The following GRID2IP variants were observed in gnomAD, a reference collection of about 807,000 sequenced individuals.
The protein encoded by GRID2IP is Grid2 interacting protein, also known as delphilin.
Under a neutral mutation model 114.3 loss-of-function variants are expected in GRID2IP, and 78 were observed. The ratio of observed to expected loss-of-function variants is 0.68; its 90% CI spans 0.57 to 0.82. The LOEUF is 0.82. Ranked by LOEUF, GRID2IP falls within the 40% of genes least tolerant of loss-of-function variation. The probability of loss-of-function intolerance (pLI) is 0.00; values close to 1 mark genes in which losing one functional copy is unlikely to be tolerated. For missense variants in GRID2IP, 1,727 were observed against 1,678.5 expected (o/e 1.03, Z -0.51); for synonymous variants, 809 against 724.0 (o/e 1.12, Z -1.89).
In GRID2IP at chr7:6,523,264, G is replaced by A. The variant is rs567676382; in HGVS notation, c.920-1307C>T. On this transcript the variant is annotated intron_variant, in intron 4 of 21. Coordinates refer to ENST00000457091, the MANE Select transcript of GRID2IP (RefSeq NM_001145118.2). The surrounding 1 kb of genome is among the most constrained non-coding windows in gnomAD (Gnocchi z 4.5). ...AGGGAACAATTAGGGAAGACTTCCCGGGAGAGGCGAGATGGGGGAAGTCCT... is the reference window on the plus strand; with the variant it reads ...AGGGAACAATTAGGGAAGACTTCCCAGGAGAGGCGAGATGGGGGAAGTCCT... 2.0e-5 allele frequency among the ~76,000 whole-genome samples: 3 copies of A among 152,172 alleles called. No individual in the cohort carries two copies. The highest frequency in any genetic ancestry group is 4.8e-5 in the African/African-American group (2 of 41,448).
chr7:6,531,276 C>A (rs895356114), intron 2 of GRID2IP: 2 of 407,326 alleles, frequency 4.9e-6, no homozygotes. Flanking sequence ...GCCCCGCCCC[C>A]TCCAGGTAGC....
intron 1 of GRID2IP, among the ~76,000 whole-genome samples, chr7:6,549,749 G>C (rs546939748): frequency 2.0e-5 from 3 of 151,174 alleles, no homozygotes; most frequent in South Asian, 4.2e-4. Flanking sequence ...ACACCCTTGA[G>C]TATCTGGCAC....
chr7:6,543,558 G>A (rs1339690348), intron 1 of GRID2IP, among the ~76,000 whole-genome samples: 2 of 151,976 alleles, frequency 1.3e-5, no homozygotes, highest in Non-Finnish European at 2.9e-5. Flanking sequence ...CCCTGTCAAA[G>A]TGGGTTGCGT....
rs757567745 is a variant in GRID2IP at position 6,506,004 on chromosome 7, C to A, written c.2545-97G>T. On this transcript the variant is annotated intron_variant, in intron 13 of 21. Transcript: ENST00000457091. The surrounding 1 kb of genome is among the most constrained non-coding windows in gnomAD (Gnocchi z 5.2). The stretch of plus-strand genomic sequence containing the variant: ...TCTGAGGGCTGCCATAGGGGCTTCC[C>A]GAGCAAAAGCACCCATCAGGTGCTG... 1 of 757,382 alleles carries A rather than the reference C, an allele frequency of 1.3e-6. No individual in the cohort carries two copies. Among genetic ancestry groups the A allele is most frequent in the Non-Finnish European group, 2.2e-6 (1 of 449,414 alleles). 46.9% of individuals were successfully genotyped at this position (757,382 alleles called of 1,614,324 possible). A position where few individuals can be genotyped will look rare whatever the true frequency, so the allele number is the denominator to read the frequency against.
chr7:6,498,272 C>G, intron 20 of GRID2IP, 44 bp from the exon 21 acceptor site: 2 of 1,501,196 alleles, frequency 1.3e-6, no homozygotes, highest in Non-Finnish European at 1.8e-6. Context: ...GCTTGTGCCC[C>G]CAGGGTCTCA....
Position 6,521,209 on chromosome 7 carries a change from G to A in GRID2IP, c.1084+220C>T, listed in dbSNP as rs1175989794. On this transcript the variant is annotated intron_variant, in intron 6 of 21. Coordinates refer to ENST00000457091, the MANE Select transcript of GRID2IP (RefSeq NM_001145118.2). This position sits in a 1 kb window ranked among gnomAD's most constrained non-coding sequence, Gnocchi z 4.1. ...TGGTCTCAAACTCCTGGCCTCAAGC[G>A]ATCCTCCCACCTTGGCCTCCCAAAG... Among the ~76,000 whole-genome samples the A allele has an allele frequency of 1.3e-5, 2 of 152,096 alleles. No individual in the cohort carries two copies. The highest frequency in any genetic ancestry group is 2.1e-4 in the South Asian group (1 of 4,824).
Position 6,509,114 on chromosome 7 carries a change from G to GGGC in GRID2IP, c.1970_1971insGCC (p.Asp657delinsGluPro). On this transcript the variant is annotated protein_altering_variant, in exon 12 of 22. Transcript: ENST00000457091. The surrounding 1 kb of genome is among the most constrained non-coding windows in gnomAD (Gnocchi z 4.9). Reference sequence around the variant, plus strand: ...TCCTGCGGCTGGGCGGGCGGGTGGGGTCCGGGCTTGGGGGGCTGTCGGGGC... The same window carrying GGGC: ...TCCTGCGGCTGGGCGGGCGGGTGGGGGGCTCCGGGCTTGGGGGGCTGTCGGGGC... 1 of 1,119,874 alleles carries GGGC rather than the reference G, an allele frequency of 8.9e-7. No individual in the cohort carries two copies. Among genetic ancestry groups the GGGC allele is most frequent in the Non-Finnish European group, 1.3e-6 (1 of 787,296 alleles). 69.4% of individuals were successfully genotyped at this position (1,119,874 alleles called of 1,614,324 possible).
chr7:6,510,492 T>A (rs1786744588), intron 10 of GRID2IP, 92 bp from the exon 11 acceptor site: 11 of 1,304,058 alleles, frequency 8.4e-6, no homozygotes, highest in Non-Finnish European at 1.1e-5. Context: ...GGCAGGGATA[T>A]GCCCCAGCCT....
intron 2 of GRID2IP, among the ~76,000 whole-genome samples, 159 bp downstream of exon 2, chr7:6,539,559 G>C (rs1411378813): frequency 6.6e-6 from 1 of 152,164 alleles, no homozygotes. Flanking sequence ...GCCTACCCTT[G>C]TTTGGGGCTT....
chr7:6,508,786 G>C lies in GRID2IP; in HGVS notation c.2127+172C>G, dbSNP rs1476529357. On this transcript the variant is annotated intron_variant, in intron 12 of 21. Coordinates refer to ENST00000457091, the MANE Select transcript of GRID2IP (RefSeq NM_001145118.2). This position sits in a 1 kb window ranked among gnomAD's most constrained non-coding sequence, Gnocchi z 5.6. ...CAAGGAGCATGATAACCTTGAACAGGAGATAGGGTAACCTGGGGCAAGGGG... is the reference window on the plus strand; with the variant it reads ...CAAGGAGCATGATAACCTTGAACAGCAGATAGGGTAACCTGGGGCAAGGGG... Among the ~76,000 whole-genome samples the C allele has an allele frequency of 6.6e-6, 1 of 152,136 alleles. No homozygotes were observed. The highest frequency in any genetic ancestry group is 1.5e-5 in the Non-Finnish European group (1 of 68,006).
At chr7:6,504,558 G>T (rs1786520191) in intron 15 of GRID2IP, among the ~76,000 whole-genome samples, 1 of 151,816 alleles carries the variant, frequency 6.6e-6, no homozygotes, top group South Asian at 2.1e-4. Context: ...AGGGAATGAG[G>T]CTGGAGGCGG....
chr7:6,522,130 G>C (rs147226174), intron 4 of GRID2IP, among the ~76,000 whole-genome samples, 173 bp from the exon 5 acceptor site: 1 of 152,048 alleles, frequency 6.6e-6, no homozygotes, highest in African/African-American at 2.4e-5. Context: ...CAGGAGGATC[G>C]CTTGAGCCCA....
rs1779307308 is a variant in GRID2IP at position 6,516,585 on chromosome 7, C to G, written c.1269-2056G>C. The stretch of plus-strand genomic sequence containing the variant: ...TAGCAGACCGGGAAAGGGAGTCTCC[C>G]TTTCCTGGTGGAGTTAAAGAAGACT... On this transcript the variant is annotated intron_variant, in intron 7 of 21. Transcript: ENST00000457091. The surrounding 1 kb of genome is among the most constrained non-coding windows in gnomAD (Gnocchi z 4.3). Among the ~76,000 whole-genome samples the G allele has an allele frequency of 6.6e-6, 1 of 151,986 alleles. No individual in the cohort carries two copies. The highest frequency in any genetic ancestry group is 6.6e-5 in the Admixed American group (1 of 15,246).
At chr7:6,537,629 C>T (rs1261111218) in intron 2 of GRID2IP, among the ~76,000 whole-genome samples, 1 of 151,670 alleles carries the variant, frequency 6.6e-6, no homozygotes, top group South Asian at 2.1e-4. Flanking sequence ...CTGCCCGCCT[C>T]GGCCTCCCAA....
At chr7:6,514,019 C>T (rs1056514267) in intron 8 of GRID2IP, among the ~76,000 whole-genome samples, 23 of 150,642 alleles carry the variant, frequency 1.5e-4, no homozygotes, top group Non-Finnish European at 2.5e-4. Context: ...TTTGGGAGGC[C>T]GAGGTGGGTG....
rs543456116 is a variant in GRID2IP at position 6,511,067 on chromosome 7, C to T, written c.1424-28G>A. 599 of 1,378,272 alleles carry T rather than the reference C, an allele frequency of 4.3e-4. 1 individual carries two copies. The highest frequency in any genetic ancestry group is 5.4e-4 in the Non-Finnish European group (575 of 1,060,030). 85.4% of individuals were successfully genotyped at this position (1,378,272 alleles called of 1,614,324 possible). A position where few individuals can be genotyped will look rare whatever the true frequency, so the allele number is the denominator to read the frequency against. On this transcript the variant is annotated intron_variant, in intron 8 of 21. Coordinates refer to ENST00000457091, the MANE Select transcript of GRID2IP (RefSeq NM_001145118.2). ...GTGGGACATGCAGGGAACATGGGGC[C>T]CTCTTGCCCTCTCAGCCAGACAAGG...
At chr7:6,518,553 T>C (rs937293300) in intron 7 of GRID2IP, among the ~76,000 whole-genome samples, 1 of 152,048 alleles carries the variant, frequency 6.6e-6, no homozygotes, top group South Asian at 2.1e-4. Flanking sequence ...CTGGCCAACA[T>C]GGTGAAACCC....
At chr7:6,501,712 G>C in intron 20 of GRID2IP, 69 bp downstream of exon 20, 4 of 1,139,000 alleles carry the variant, frequency 3.5e-6, no homozygotes, top group Non-Finnish European at 5.2e-6. Flanking sequence ...GGCCACTGGA[G>C]CCACAGCCAG....
Position 6,521,543 on chromosome 7 carries a change from C to T in GRID2IP, c.990-20G>A. ...CAGTTCCTGCCAAGCAGAGATGGCCCAGGAGGGCCTGACTGGGGTGAGCCC... is the reference window on the plus strand; with the variant it reads ...CAGTTCCTGCCAAGCAGAGATGGCCTAGGAGGGCCTGACTGGGGTGAGCCC... On this transcript the variant is annotated intron_variant, in intron 5 of 21. Transcript: ENST00000457091. This position sits in a 1 kb window ranked among gnomAD's most constrained non-coding sequence, Gnocchi z 4.1. 1 of 1,524,600 alleles carries T rather than the reference C, an allele frequency of 6.6e-7. No individual in the cohort carries two copies. Among genetic ancestry groups the T allele is most frequent in the Non-Finnish European group, 8.8e-7 (1 of 1,130,392 alleles). 94.4% of individuals were successfully genotyped at this position (1,524,600 alleles called of 1,614,324 possible). A position where few individuals can be genotyped will look rare whatever the true frequency, so the allele number is the denominator to read the frequency against.
Sources: allele counts gnomAD v4.1 joint callset (sites outside exome capture counted in the v4.1 genomes callset), GRCh38; gene constraint gnomAD v4.1.1; non-coding constraint Gnocchi (gnomAD v3.1); transcripts MANE v1.5; gene names NCBI Gene and HGNC (gene_info 2026-07-23, HGNC 2026-07-21).